The following IL23R variants were observed in gnomAD, a reference collection of about 807,000 sequenced individuals.
IL23R encodes the protein interleukin-23 receptor.
Under a neutral mutation model 56.9 loss-of-function variants are expected in IL23R, and 34 were observed. The ratio of observed to expected loss-of-function variants is 0.60; its 90% CI spans 0.45 to 0.80. IL23R has a LOEUF of 0.80. IL23R is among the 30% of genes least tolerant of loss of function. The pLI, the probability that IL23R is intolerant of heterozygous loss-of-function variation, is 0.00. For missense variants in IL23R, 635 were observed against 730.0 expected, an observed-to-expected ratio of 0.87 and a Z score of 1.50; for synonymous variants, 230 against 249.2, an observed-to-expected ratio of 0.92 and a Z score of 0.73.
At chr1:67,257,454 C>T (rs1653010961) in intron 10 of IL23R, among the ~76,000 whole-genome samples, 1 of 152,122 alleles carries the variant, frequency 6.6e-6, no homozygotes, top group African/African-American at 2.4e-5. Flanking sequence ...CCCAAAGTCT[C>T]CACTTTCAAA....
chr1:67,188,639 C>G (rs984079869), intron 4 of IL23R, among the ~76,000 whole-genome samples: 1 of 152,140 alleles, frequency 6.6e-6, no homozygotes, highest in Admixed American at 6.6e-5. Context: ...ACCTAGACTG[C>G]GTAATTTGTA....
chr1:67,186,929 C>CT (rs1168394253), intron 4 of IL23R, among the ~76,000 whole-genome samples: 1 of 151,946 alleles, frequency 6.6e-6, no homozygotes, highest in African/African-American at 2.4e-5. Flanking sequence ...CCCTTTATTC[C>CT]TTTTTTTAAT....
rs113288167 is a variant in IL23R at position 67,232,384 on chromosome 1, G to A, written c.956-4329G>A. Among the ~76,000 whole-genome samples, 108 of 152,290 alleles carry A rather than the reference G, an allele frequency of 7.1e-4. 1 individual carries two copies. Among genetic ancestry groups the A allele is most frequent in the Non-Finnish European group, 1.3e-3 (87 of 68,018 alleles). On this transcript the variant is annotated intron_variant, in intron 7 of 10. Transcript: ENST00000347310. The stretch of plus-strand genomic sequence containing the variant: ...CATGGCGAGTCCTCAGTGGAGCAAT[G>A]CTAAGTCTCATCCTGGGAGAGGCTG...
chr1:67,260,527 C>T (rs1653171371), downstream of IL23R, among the ~76,000 whole-genome samples: 1 of 152,040 alleles, frequency 6.6e-6, no homozygotes, highest in Admixed American at 6.6e-5. Flanking sequence ...TACAAGTGCC[C>T]TCAGAAGCCT....
intron 6 of IL23R, among the ~76,000 whole-genome samples, chr1:67,217,154 A>C (rs1649896473): frequency 6.6e-6 from 1 of 152,168 alleles, no homozygotes; most frequent in Non-Finnish European, 1.5e-5. Flanking sequence ...GAAAAGAGAG[A>C]TCTCAAACTG....
At chr1:67,209,074 G>A (rs906104352) in intron 6 of IL23R, among the ~76,000 whole-genome samples, 6 of 152,148 alleles carry the variant, frequency 3.9e-5, no homozygotes, top group African/African-American at 7.2e-5. Flanking sequence ...TTGCATGGGC[G>A]CTGTAACCCC....
chr1:67,219,397 T>C (rs1293169072), intron 6 of IL23R, among the ~76,000 whole-genome samples, 177 bp from the exon 7 acceptor site: 1 of 152,198 alleles, frequency 6.6e-6, no homozygotes, highest in African/African-American at 2.4e-5. Flanking sequence ...TCAGTTTTAA[T>C]GTATTTCAGA....
intron 7 of IL23R, among the ~76,000 whole-genome samples, chr1:67,233,297 C>T (rs925789763): frequency 2.7e-5 from 4 of 150,032 alleles, no homozygotes; most frequent in African/African-American, 9.8e-5. Flanking sequence ...ACCCAGGAGG[C>T]AGAAGTTGCA....
intron 5 of IL23R, among the ~76,000 whole-genome samples, chr1:67,202,378 C>G (rs555070361): frequency 6.6e-6 from 1 of 151,940 alleles, no homozygotes; most frequent in Non-Finnish European, 1.5e-5. Flanking sequence ...ATCTATATTG[C>G]CACAAAGTTG....
chr1:67,197,333 G>C (rs897844131), intron 4 of IL23R, among the ~76,000 whole-genome samples: 2 of 152,118 alleles, frequency 1.3e-5, no homozygotes, highest in African/African-American at 4.8e-5. Flanking sequence ...AAAAGTAAAG[G>C]CAAAGATCAC....
At chr1:67,157,720 C>T (rs1053204238) in intron 1 of IL23R, among the ~76,000 whole-genome samples, 2 of 152,230 alleles carry the variant, frequency 1.3e-5, no homozygotes, top group Non-Finnish European at 2.9e-5. Context: ...GAGTGATCTT[C>T]TCCGAGCATA....
At chr1:67,249,587 C>T (rs116001298) in intron 9 of IL23R, among the ~76,000 whole-genome samples, 2,105 of 152,080 alleles carry the variant, frequency 0.014, 39 homozygotes, top group African/African-American at 0.049. Flanking sequence ...AATTTTGGAA[C>T]ATATATTAAT....
At chr1:67,228,104 TTC>T (rs751365071) in intron 7 of IL23R, among the ~76,000 whole-genome samples, 12 of 46,232 alleles carry the variant, frequency 2.6e-4, no homozygotes, top group Admixed American at 5.5e-4. Flanking sequence ...CTTTCTTTCT[TTC>T]TCTCTCTTTC....
chr1:67,172,190 T>G (rs1355506441), intron 3 of IL23R, among the ~76,000 whole-genome samples: 2 of 152,156 alleles, frequency 1.3e-5, no homozygotes, highest in East Asian at 3.9e-4. Flanking sequence ...AAAAAAGGGT[T>G]TTTGAGGGTT....
chr1:67,175,799 G>A (rs182127204), intron 3 of IL23R, among the ~76,000 whole-genome samples: 14 of 152,212 alleles, frequency 9.2e-5, no homozygotes, highest in East Asian at 5.8e-4. Context: ...GAACCCATTC[G>A]CAAGAGCCAA....
chr1:67,211,344 G>A (rs1034147320), intron 6 of IL23R, among the ~76,000 whole-genome samples: 14 of 152,154 alleles, frequency 9.2e-5, no homozygotes, highest in Non-Finnish European at 1.6e-4. Context: ...TCTTAGGCTG[G>A]GTGCAGTGGC....
At chr1:67,214,402 C>A (rs1393841784) in intron 6 of IL23R, among the ~76,000 whole-genome samples, 2 of 152,102 alleles carry the variant, frequency 1.3e-5, no homozygotes, top group Non-Finnish European at 2.9e-5. Context: ...ACTCTGTTTC[C>A]CTATTTATAT....
At chr1:67,158,841 G>A (rs952288695) in intron 1 of IL23R, among the ~76,000 whole-genome samples, 2 of 151,096 alleles carry the variant, frequency 1.3e-5, no homozygotes, top group African/African-American at 4.9e-5. Flanking sequence ...TTTTACCCTT[G>A]GTGTTCTCCT....
chr1:67,203,017 A>G (rs1648748954), intron 5 of IL23R, among the ~76,000 whole-genome samples: 1 of 152,170 alleles, frequency 6.6e-6, no homozygotes, highest in South Asian at 2.1e-4. Context: ...GAATGCAGTA[A>G]TATACCCTTT....
Sources: gnomAD v4.1 joint callset for allele counts (sites outside exome capture counted in the v4.1 genomes callset) on GRCh38, gnomAD v4.1.1 for gene constraint, MANE v1.5 for transcripts, NCBI Gene and HGNC (gene_info 2026-07-23, HGNC 2026-07-21) for gene names.